Variants in NRXN3 observed in about 807,000 individuals in gnomAD.
The protein encoded by NRXN3 is neurexin 3.
NRXN3 carries 32 observed loss-of-function variants against 137.6 expected under a neutral mutation model. The ratio of observed to expected loss-of-function variants is 0.23; its 90% CI spans 0.18 to 0.31. NRXN3 has a LOEUF of 0.31. Ranked by LOEUF, NRXN3 falls within the 10% of genes least tolerant of loss-of-function variation. The pLI, the probability that NRXN3 is intolerant of heterozygous loss-of-function variation, is 1.00. For synonymous variants in NRXN3, 798 were observed against 784.5 expected (o/e 1.02, Z -0.29); for missense variants, 1,574 against 2,062.5 (o/e 0.76, Z 4.59).
At chr14:79,254,640 A>C (rs765155088) in intron 15 of NRXN3, among the ~76,000 whole-genome samples, 12 of 152,124 alleles carry the variant, frequency 7.9e-5, no homozygotes, top group Non-Finnish European at 1.2e-4. Context: ...CTCTGGGCAA[A>C]GTTCATTATT....
Position 79,590,657 on chromosome 14 carries a change from C to G in NRXN3, c.3445-73121C>G, listed in dbSNP as rs2097795824. Among the ~76,000 whole-genome samples, 4 of 152,084 alleles carry G rather than the reference C, an allele frequency of 2.6e-5. No individual in the cohort carries two copies. The South Asian group carries it at 8.3e-4, about 32-fold the overall frequency. On this transcript the variant is annotated intron_variant, in intron 16 of 20. Transcript: ENST00000335750. ...TGGCCTCAAATCAGCTTGCCTATGG[C>G]CACCATGGAAACCATCCATCATGAA...
At chr14:79,839,329 T>C (rs558036924) in intron 20 of NRXN3, among the ~76,000 whole-genome samples, 1 of 152,158 alleles carries the variant, frequency 6.6e-6, no homozygotes, top group Non-Finnish European at 1.5e-5. Flanking sequence ...CATTGTAGAA[T>C]AACATAACAG....
chr14:78,700,796 C>CT (rs544709901), intron 6 of NRXN3, among the ~76,000 whole-genome samples: 36 of 150,298 alleles, frequency 2.4e-4, no homozygotes, highest in South Asian at 8.4e-4. Flanking sequence ...TTCTTTCTTT[C>CT]TTTTTTTTTG....
intron 15 of NRXN3, among the ~76,000 whole-genome samples, chr14:79,421,587 C>T (rs953155547): frequency 7.2e-5 from 11 of 152,182 alleles, no homozygotes; most frequent in Non-Finnish European, 1.6e-4. Flanking sequence ...GAATCTATTT[C>T]TATTTCTGTC....
chr14:79,554,040 A>G (rs1430215697), intron 16 of NRXN3, among the ~76,000 whole-genome samples: 7 of 152,174 alleles, frequency 4.6e-5, no homozygotes, highest in African/African-American at 1.7e-4. Flanking sequence ...GTCAGTTGTA[A>G]TGCGCATTGT....
At chr14:78,856,308 T>C (rs2099056909) in intron 10 of NRXN3, among the ~76,000 whole-genome samples, 1 of 152,138 alleles carries the variant, frequency 6.6e-6, no homozygotes, top group Non-Finnish European at 1.5e-5. Flanking sequence ...ACCTCGAAAA[T>C]GTAAAGGATA....
chr14:79,513,519 C>G (rs2096952926), intron 16 of NRXN3, among the ~76,000 whole-genome samples: 1 of 152,170 alleles, frequency 6.6e-6, no homozygotes, highest in African/African-American at 2.4e-5. Context: ...AAGACAAAAC[C>G]AGTTCTACAA....
intron 1 of NRXN3, among the ~76,000 whole-genome samples, chr14:78,182,579 C>T (rs1453748348): frequency 6.6e-6 from 1 of 152,202 alleles, no homozygotes; most frequent in African/African-American, 2.4e-5. Context: ...AAGCGATTCT[C>T]CTGCCTCAGC....
intron 15 of NRXN3, among the ~76,000 whole-genome samples, chr14:79,395,060 A>G (rs1169561449): frequency 1.3e-5 from 2 of 152,200 alleles, no homozygotes; most frequent in Non-Finnish European, 2.9e-5. Context: ...TATTGTCTTC[A>G]CTATTGAGTA....
intron 15 of NRXN3, among the ~76,000 whole-genome samples, chr14:79,065,070 A>G (rs2099679107): frequency 1.3e-5 from 2 of 151,986 alleles, no homozygotes. Context: ...TAAAATATGT[A>G]TTTACATGCA....
intron 15 of NRXN3, among the ~76,000 whole-genome samples, chr14:79,297,350 CT>C (rs1223483954): frequency 2.0e-5 from 3 of 151,958 alleles, no homozygotes; most frequent in African/African-American, 7.3e-5. Context: ...AAATAACTGA[CT>C]TTTTAAAAGT....
In NRXN3 at chr14:78,953,445, A is replaced by G. The variant is rs1008528393; in HGVS notation, c.2276-3797A>G. 4.6e-5 allele frequency among the ~76,000 whole-genome samples: 7 copies of G among 152,228 alleles called. No homozygotes were observed. The South Asian group carries it at 1.4e-3, about 32-fold the overall frequency. ...TCCCCATTCAACAGAGAATTAGGCC[A>G]TCTTCTGTGAAGCAAAGCCTTACCT... On this transcript the variant is annotated intron_variant, in intron 10 of 20. Coordinates refer to ENST00000335750, the MANE Select transcript of NRXN3 (RefSeq NM_001330195.2).
At chr14:79,571,652 G>T (rs573512009) in intron 16 of NRXN3, among the ~76,000 whole-genome samples, 158 of 152,206 alleles carry the variant, frequency 1.0e-3, no homozygotes, top group African/African-American at 3.7e-3. Context: ...GAAGCAATTG[G>T]CATTGTTAGT....
intron 4 of NRXN3, among the ~76,000 whole-genome samples, chr14:78,626,871 A>G (rs139578073): frequency 3.2e-4 from 49 of 152,322 alleles, no homozygotes; most frequent in Middle Eastern, 3.4e-3. Context: ...GAAGCATTTT[A>G]TATATCACAA....
chr14:78,884,764 A>G (rs970290881), intron 10 of NRXN3, among the ~76,000 whole-genome samples: 1 of 152,148 alleles, frequency 6.6e-6, no homozygotes, highest in Non-Finnish European at 1.5e-5. Context: ...AGTTGAAGCC[A>G]AACAGCCTAT....
At chr14:79,634,354 C>A (rs1012866161) in intron 16 of NRXN3, among the ~76,000 whole-genome samples, 1 of 152,036 alleles carries the variant, frequency 6.6e-6, no homozygotes, top group Non-Finnish European at 1.5e-5. Flanking sequence ...GCTCTTGCAA[C>A]CTTTCCAATA....
intron 16 of NRXN3, among the ~76,000 whole-genome samples, chr14:79,504,670 T>TAA (rs1555492018): frequency 4.2e-5 from 6 of 143,110 alleles, no homozygotes; most frequent in African/African-American, 1.6e-4. Context: ...TATATATATA[T>TAA]ATATAAAACA....
chr14:78,854,370 C>T (rs2099050981), intron 10 of NRXN3, among the ~76,000 whole-genome samples: 1 of 152,066 alleles, frequency 6.6e-6, no homozygotes, highest in African/African-American at 2.4e-5. Flanking sequence ...GCTCCCTCTT[C>T]TAGCTTTACC....
chr14:78,513,492 A>T (rs551461917), intron 4 of NRXN3, among the ~76,000 whole-genome samples: 1 of 152,276 alleles, frequency 6.6e-6, no homozygotes, highest in Non-Finnish European at 1.5e-5. Flanking sequence ...ATTGTTAATT[A>T]TAGTTTTCGA....
Sources: allele counts gnomAD v4.1 joint callset (sites outside exome capture counted in the v4.1 genomes callset), GRCh38; gene constraint gnomAD v4.1.1; transcripts MANE v1.5; gene names NCBI Gene and HGNC (gene_info 2026-07-23, HGNC 2026-07-21).